The following TBC1D5 variants were observed in gnomAD, a reference collection of about 807,000 sequenced individuals.
The protein encoded by TBC1D5 is TBC1 domain family, member 5.
A neutral mutation model predicts 100.3 loss-of-function variants in TBC1D5; 75 were observed. That is an observed-to-expected ratio of 0.75 (90% CI 0.62 to 0.91). TBC1D5 has a LOEUF of 0.91. TBC1D5 is among the 40% of genes least tolerant of loss of function. TBC1D5 has a pLI of 0.00. For synonymous variants in TBC1D5, 323 were observed against 325.6 expected (o/e 0.99, Z 0.09); for missense variants, 910 against 942.4 (o/e 0.97, Z 0.45).
rs1301945331 is a variant in TBC1D5, at chr3:17,361,897, A to C, written c.995+10178T>G. Among the ~76,000 whole-genome samples the C allele has an allele frequency of 1.2e-4, 18 of 152,110 alleles. 1 individual carries two copies. Among genetic ancestry groups the C allele is most frequent in the Admixed American group, 1.2e-3 (18 of 15,270 alleles). On this transcript the variant is annotated intron_variant, in intron 13 of 21. Transcript: ENST00000253692. ...ATAAGAGCTGCAACTAATGACACTA[A>C]AAACAGAAAGAAAGAAAAAGAGAAA...
chr3:17,261,664 C>T (rs191460424), intron 15 of TBC1D5, among the ~76,000 whole-genome samples: 4 of 152,078 alleles, frequency 2.6e-5, no homozygotes, highest in East Asian at 3.9e-4. Flanking sequence ...TGGGACTACA[C>T]GCATGCACCA....
At chr3:17,583,212 G>T (rs886177627) in intron 2 of TBC1D5, among the ~76,000 whole-genome samples, 5 of 152,114 alleles carry the variant, frequency 3.3e-5, no homozygotes, top group African/African-American at 9.7e-5. Flanking sequence ...TCGTGCCTAG[G>T]AGGTAGAGGT....
At chr3:17,237,171 G>A (rs1447033484) in intron 17 of TBC1D5, among the ~76,000 whole-genome samples, 1 of 152,142 alleles carries the variant, frequency 6.6e-6, no homozygotes, top group Non-Finnish European at 1.5e-5. Flanking sequence ...ATCCCTTTAA[G>A]ACATGAATGA....
At chr3:17,269,180 T>TAAAA (rs2079125969) in intron 15 of TBC1D5, among the ~76,000 whole-genome samples, 1 of 152,104 alleles carries the variant, frequency 6.6e-6, no homozygotes, top group Non-Finnish European at 1.5e-5. Flanking sequence ...GATTGGGGCA[T>TAAAA]ATTTAGATGC....
intron 2 of TBC1D5, among the ~76,000 whole-genome samples, chr3:17,613,794 T>C (rs1486019545): frequency 3.3e-5 from 5 of 152,248 alleles, no homozygotes; most frequent in Admixed American, 6.5e-5. Flanking sequence ...TAGCTCTTTG[T>C]CAGATGGGTG....
At chr3:17,662,029 T>C (rs2066711156) in intron 1 of TBC1D5, among the ~76,000 whole-genome samples, 1 of 152,134 alleles carries the variant, frequency 6.6e-6, no homozygotes, top group African/African-American at 2.4e-5. Context: ...TAGCTAGGAC[T>C]ACAGCTATGC....
intron 1 of TBC1D5, among the ~76,000 whole-genome samples, chr3:17,642,310 C>T (rs1356008899): frequency 6.6e-6 from 1 of 152,014 alleles, no homozygotes; most frequent in Non-Finnish European, 1.5e-5. Flanking sequence ...AGGCAACGTG[C>T]TCTCTATATA....
intron 16 of TBC1D5, among the ~76,000 whole-genome samples, chr3:17,253,905 A>G (rs567260034): frequency 1.3e-5 from 2 of 152,292 alleles, no homozygotes; most frequent in South Asian, 2.1e-4. Flanking sequence ...GGAATGTGAA[A>G]TTCATGTATA....
chr3:17,374,478 C>A (rs1422195567), exon 12 of TBC1D5: 1 of 1,611,064 alleles, frequency 6.2e-7, no homozygotes, highest in East Asian at 2.2e-5. Context: ...TACCTTCTGA[C>A]CATCATGCTC....
intron 3 of TBC1D5, among the ~76,000 whole-genome samples, chr3:17,480,863 T>C (rs1408823365): frequency 6.6e-6 from 1 of 152,196 alleles, no homozygotes; most frequent in Non-Finnish European, 1.5e-5. Context: ...CACCATCCAG[T>C]TGTCCGTGTA....
intron 8 of TBC1D5, among the ~76,000 whole-genome samples, chr3:17,397,567 C>T (rs910749922): frequency 1.3e-5 from 2 of 152,008 alleles, no homozygotes; most frequent in Admixed American, 1.3e-4. Flanking sequence ...TCTGTGGAGA[C>T]GGTTTTGCCA....
chr3:17,257,135 T>C (rs759822122), intron 16 of TBC1D5, among the ~76,000 whole-genome samples: 8 of 148,984 alleles, frequency 5.4e-5, no homozygotes, highest in Non-Finnish European at 1.0e-4. Context: ...TAACCTGTTA[T>C]AAATTGACAT....
In TBC1D5 at chr3:17,682,859, G is replaced by A. The variant is rs6786734; in HGVS notation, c.-101+56484C>T. ...TTAGTGATTCATATAGTACCCTACC[G>A]GTCACATAGATGCAGTCAGTTACTT... On this transcript the variant is annotated intron_variant, in intron 1 of 21. Transcript: ENST00000253692. 6.8e-3 allele frequency among the ~76,000 whole-genome samples: 1,035 copies of A among 151,310 alleles called. 68 individuals carry two copies. The highest frequency in any genetic ancestry group is 0.024 in the African/African-American group (984 of 40,730).
intron 1 of TBC1D5, among the ~76,000 whole-genome samples, chr3:17,671,103 G>C (rs1216701003): frequency 1.3e-5 from 2 of 152,156 alleles, no homozygotes; most frequent in Non-Finnish European, 2.9e-5. Flanking sequence ...TCTTCCCAAT[G>C]CATCCAAACT....
At chr3:17,161,188 A>G (rs1275276017) in exon 22 of TBC1D5, 3 of 1,614,214 alleles carry the variant, frequency 1.9e-6, no homozygotes, top group Non-Finnish European at 2.5e-6. Flanking sequence ...TCCCATCATC[A>G]TCTTTGGAAA....
intron 1 of TBC1D5, among the ~76,000 whole-genome samples, chr3:17,670,031 G>T (rs749740730): frequency 1.3e-5 from 2 of 152,152 alleles, no homozygotes; most frequent in African/African-American, 2.4e-5. Flanking sequence ...GATTACAGGC[G>T]CACGCCGCCA....
At chr3:17,742,049 G>A (rs147046239), upstream of TBC1D5, among the ~76,000 whole-genome samples, 1,481 of 152,206 alleles carry the variant, frequency 9.7e-3, 22 homozygotes, top group African/African-American at 0.033. Context: ...GTAGGAAGTT[G>A]AGCACTAGTC....
chr3:17,438,120 C>T (rs1289483368), intron 3 of TBC1D5, among the ~76,000 whole-genome samples: 3 of 152,232 alleles, frequency 2.0e-5, no homozygotes, highest in African/African-American at 2.4e-5. Context: ...TACCACAGAC[C>T]ACCTGGATCT....
intron 1 of TBC1D5, among the ~76,000 whole-genome samples, chr3:17,630,029 G>T (rs2063365397): frequency 6.6e-6 from 1 of 152,188 alleles, no homozygotes; most frequent in Non-Finnish European, 1.5e-5. Context: ...CTGGGTTTAT[G>T]ATCACCCTAT....
Sources: gnomAD v4.1 joint callset for allele counts (sites outside exome capture counted in the v4.1 genomes callset) on GRCh38, gnomAD v4.1.1 for gene constraint, MANE v1.5 for transcripts, NCBI Gene and HGNC (gene_info 2026-07-23, HGNC 2026-07-21) for gene names.